PARD3: variants seen among roughly 807,000 people sequenced by gnomAD.
The protein encoded by PARD3 is partitioning defective 3 homolog.
Under a neutral mutation model 155.4 loss-of-function variants are expected in PARD3, and 75 were observed. The ratio of observed to expected loss-of-function variants is 0.48; its 90% confidence interval spans 0.40 to 0.58. PARD3 has a LOEUF of 0.58. PARD3 is among the 20% of genes least tolerant of loss of function. The pLI, the probability that PARD3 is intolerant of heterozygous loss-of-function variation, is 0.00. For missense variants in PARD3, 1,642 were observed against 1,721.7 expected (o/e 0.95, Z 0.82); for synonymous variants, 576 against 610.5 (o/e 0.94, Z 0.83).
chr10:34,616,533 T>C (rs914818138), intron 2 of PARD3, among the ~76,000 whole-genome samples: 7 of 152,192 alleles, frequency 4.6e-5, no homozygotes, highest in Non-Finnish European at 8.8e-5. Flanking sequence ...ATACACACAA[T>C]TGAATACTAT....
At chr10:34,669,468 A>G (rs2093567794) in intron 2 of PARD3, among the ~76,000 whole-genome samples, 1 of 152,174 alleles carries the variant, frequency 6.6e-6, no homozygotes, top group Non-Finnish European at 1.5e-5. Flanking sequence ...GGAGGGGGTG[A>G]AGGATGGGAA....
At chr10:34,781,553 C>T (rs1840236953) in intron 1 of PARD3, among the ~76,000 whole-genome samples, 1 of 152,218 alleles carries the variant, frequency 6.6e-6, no homozygotes, top group Non-Finnish European at 1.5e-5. Flanking sequence ...TAGTATGGTT[C>T]TGTATGAATG....
intron 19 of PARD3, among the ~76,000 whole-genome samples, chr10:34,328,171 CAA>C (rs1835239169): frequency 6.6e-6 from 1 of 152,096 alleles, no homozygotes; most frequent in African/African-American, 2.4e-5. Context: ...TAAACAAAAA[CAA>C]AGAGTTTGCT....
At chr10:34,131,115 A>G (rs1947588025) in intron 23 of PARD3, among the ~76,000 whole-genome samples, 1 of 152,208 alleles carries the variant, frequency 6.6e-6, no homozygotes, top group African/African-American at 2.4e-5. Context: ...CACAATGGAG[A>G]AGTGCTGAAC....
intron 1 of PARD3, among the ~76,000 whole-genome samples, chr10:34,698,727 T>C (rs1423110760): frequency 6.6e-6 from 1 of 152,192 alleles, no homozygotes; most frequent in African/African-American, 2.4e-5. Flanking sequence ...TTAATGTTCC[T>C]AAAAACCACA....
intron 2 of PARD3, among the ~76,000 whole-genome samples, chr10:34,559,561 A>T (rs1002360879): frequency 6.6e-6 from 1 of 152,260 alleles, no homozygotes; most frequent in African/African-American, 2.4e-5. Flanking sequence ...ATTAGCAGTC[A>T]GAAGAATAGA....
At chr10:34,455,624 ACT>A (rs1047872638) in intron 4 of PARD3, among the ~76,000 whole-genome samples, 1 of 152,160 alleles carries the variant, frequency 6.6e-6, no homozygotes, top group African/African-American at 2.4e-5. Flanking sequence ...AAATAAAATG[ACT>A]CACACACACA....
At chr10:34,806,675 A>G (rs1843430617) in intron 1 of PARD3, among the ~76,000 whole-genome samples, 1 of 152,130 alleles carries the variant, frequency 6.6e-6, no homozygotes, top group Admixed American at 6.5e-5. Context: ...CATCCATTTG[A>G]CCTGGAGAGC....
At chr10:34,209,896 A>C in intron 22 of PARD3, among the ~76,000 whole-genome samples, 1 of 152,236 alleles carries the variant, frequency 6.6e-6, no homozygotes, top group East Asian at 1.9e-4. Context: ...ATGGATAGAA[A>C]TCCAAAATAA....
intron 1 of PARD3, among the ~76,000 whole-genome samples, chr10:34,737,243 T>C (rs1333859333): frequency 6.6e-6 from 1 of 152,228 alleles, no homozygotes; most frequent in African/African-American, 2.4e-5. Flanking sequence ...ATGCATACAA[T>C]GTGCCTTTCA....
In PARD3 at chr10:34,465,558, G is replaced by T. The variant is rs553525417; in HGVS notation, c.582+4527C>A. Among the ~76,000 whole-genome samples, 103 of 152,212 alleles carry T rather than the reference G, an allele frequency of 6.8e-4. 1 individual carries two copies. In the South Asian group the frequency reaches 7.7e-3, roughly 11 times the overall value. On this transcript the variant is annotated intron_variant, in intron 4 of 24. Transcript: ENST00000374788. ...ATAAACCCAAGGGGTAAGAAACATT[G>T]CAAGGTCTCCATTTAAAAAATCAAA...
At chr10:34,403,560 T>C (rs1257350518) in intron 5 of PARD3, among the ~76,000 whole-genome samples, 2 of 152,148 alleles carry the variant, frequency 1.3e-5, no homozygotes, top group Non-Finnish European at 1.5e-5. Flanking sequence ...CTATGAGAAG[T>C]AGAAACTAAG....
At chr10:34,722,643 A>G (rs2094626953) in intron 1 of PARD3, among the ~76,000 whole-genome samples, 1 of 152,100 alleles carries the variant, frequency 6.6e-6, no homozygotes, top group South Asian at 2.1e-4. Context: ...TTGCCCCACA[A>G]TCTTCTTGCC....
At chr10:34,344,423 C>T (rs920564368) in intron 15 of PARD3, 90 of 501,868 alleles carry the variant, frequency 1.8e-4, no homozygotes, top group South Asian at 1.2e-3. Context: ...GGTGGGACTA[C>T]GGGTGTGCAA....
chr10:34,411,061 T>C (rs1844995080), intron 5 of PARD3, among the ~76,000 whole-genome samples: 1 of 152,168 alleles, frequency 6.6e-6, no homozygotes, highest in South Asian at 2.1e-4. Context: ...TCAGCAACCA[T>C]GAAACTGAGG....
intron 4 of PARD3, among the ~76,000 whole-genome samples, chr10:34,462,001 A>T (rs1277396532): frequency 6.6e-6 from 1 of 152,262 alleles, no homozygotes; most frequent in Non-Finnish European, 1.5e-5. Context: ...GGTTATCAAT[A>T]ACTCAGTGAG....
chr10:34,158,345 A>G (rs544568030), intron 22 of PARD3, among the ~76,000 whole-genome samples: 2 of 152,342 alleles, frequency 1.3e-5, no homozygotes, highest in Admixed American at 6.5e-5. Flanking sequence ...TTCTGAAGTC[A>G]TCTCTTTCCA....
intron 1 of PARD3, among the ~76,000 whole-genome samples, chr10:34,803,528 T>C (rs1393969427): frequency 1.3e-5 from 2 of 152,172 alleles, no homozygotes; most frequent in Admixed American, 6.5e-5. Context: ...CGGTGGCTCA[T>C]GCCTGTCATC....
chr10:34,431,821 G>A (rs192254015), intron 5 of PARD3, among the ~76,000 whole-genome samples: 2,997 of 150,038 alleles, frequency 0.02, 53 homozygotes, highest in Non-Finnish European at 0.031. Context: ...AGGCCGAGGC[G>A]GGTGGATCAT....
Sources: gnomAD v4.1 joint callset for allele counts (sites outside exome capture counted in the v4.1 genomes callset) on GRCh38, gnomAD v4.1.1 for gene constraint, MANE v1.5 for transcripts, NCBI Gene and HGNC (gene_info 2026-07-23, HGNC 2026-07-21) for gene names.